The following NUP153 variants were observed in gnomAD, a reference collection of about 807,000 sequenced individuals.
NUP153 encodes the protein nucleoporin 153.
Under a neutral mutation model 134.6 loss-of-function variants are expected in NUP153, and 27 were observed. The observed-to-expected ratio is 0.20, with a 90% CI of 0.15 to 0.28. NUP153 has a LOEUF of 0.28. NUP153 is among the 10% of genes least tolerant of loss of function. The pLI is 1.00. For synonymous variants in NUP153, 640 were observed against 623.5 expected (o/e 1.03, Z -0.40); for missense variants, 1,821 against 1,731.3 (o/e 1.05, Z -0.92).
intron 18 of NUP153, among the ~76,000 whole-genome samples, chr6:17,627,115 G>A (rs1298716583): frequency 6.6e-6 from 1 of 152,094 alleles, no homozygotes; most frequent in Non-Finnish European, 1.5e-5. Flanking sequence ...TCCAGGGCTG[G>A]TCACAGTACA....
At chr6:17,618,807 C>CGG (rs1764484395) in intron 20 of NUP153, among the ~76,000 whole-genome samples, 1 of 152,196 alleles carries the variant, frequency 6.6e-6, no homozygotes, top group Admixed American at 6.5e-5. Context: ...ACCTCGTGAT[C>CGG]TGCCCGCCTT....
At chr6:17,631,623 C>T (rs1765257493) in intron 17 of NUP153, among the ~76,000 whole-genome samples, 2 of 152,128 alleles carry the variant, frequency 1.3e-5, no homozygotes, top group African/African-American at 2.4e-5. Flanking sequence ...GACATTAATC[C>T]TCACACATTT....
At position 17,647,862 on chromosome 6, in the gene NUP153, T is replaced by G. The variant is rs764940879; in HGVS notation, c.1577A>C (p.Lys526Thr). 3 of 1,613,734 alleles carry G rather than the reference T, an allele frequency of 1.9e-6. No individual in the cohort carries two copies. The highest frequency in any genetic ancestry group is 2.5e-6 in the Non-Finnish European group (3 of 1,179,706). The change falls in exon 13 of 22, where the codon AAA becomes ACA. Residue 526 changes from lysine to threonine, a missense_variant. Coordinates refer to ENST00000262077, the MANE Select transcript of NUP153 (RefSeq NM_005124.4). Reference sequence around the variant, plus strand: ...AGATTTTACGATTGGAGATGAAAATTTAAACATGGGACTGCCAGTGCTGCT... The same window carrying G: ...AGATTTTACGATTGGAGATGAAAATGTAAACATGGGACTGCCAGTGCTGCT... ...SPSSTGSPMF[K>T]FSSPIVKSTE...
At chr6:17,691,028 G>A (rs1416728453) in intron 1 of NUP153, among the ~76,000 whole-genome samples, 2 of 152,172 alleles carry the variant, frequency 1.3e-5, no homozygotes, top group Non-Finnish European at 2.9e-5. Flanking sequence ...TGTAATCCCA[G>A]CTACTCAGGA....
At chr6:17,676,910 C>T (rs759809742) in intron 2 of NUP153, among the ~76,000 whole-genome samples, 1 of 152,132 alleles carries the variant, frequency 6.6e-6, no homozygotes, top group Non-Finnish European at 1.5e-5. Flanking sequence ...TCAAGACCAC[C>T]TAAGCCTTAC....
rs186949568 is a variant in NUP153 at position 17,668,660 on chromosome 6, C to T, written c.1068+315G>A. 4.6e-5 allele frequency among the ~76,000 whole-genome samples: 7 copies of T among 151,806 alleles called. No homozygotes were observed. The East Asian group carries it at 9.8e-4, about 21-fold the overall frequency. ...GAGTTTGAGACCAGTCTAGCCAAAA[C>T]GGTGAAACCCTATCTCTACTAAAAA... is the stretch of plus-strand genomic sequence containing the variant. On this transcript the variant is annotated intron_variant, in intron 8 of 21. Coordinates refer to ENST00000262077, the MANE Select transcript of NUP153 (RefSeq NM_005124.4).
intron 2 of NUP153, among the ~76,000 whole-genome samples, chr6:17,687,188 C>T (rs755861093): frequency 6.6e-6 from 1 of 152,162 alleles, no homozygotes; most frequent in Non-Finnish European, 1.5e-5. Flanking sequence ...GTTAGTTAAT[C>T]CTTTCAAATA....
intron 9 of NUP153, among the ~76,000 whole-genome samples, chr6:17,662,761 T>C (rs1767272710): frequency 6.6e-6 from 1 of 152,174 alleles, no homozygotes; most frequent in Admixed American, 6.5e-5. Context: ...TTCTGAACAG[T>C]GAGAACAGCT....
intron 11 of NUP153, among the ~76,000 whole-genome samples, chr6:17,650,888 C>T (rs1033616492): frequency 6.6e-6 from 1 of 152,084 alleles, no homozygotes; most frequent in Non-Finnish European, 1.5e-5. Context: ...AATCTAACTA[C>T]ACAGCTGCAA....
chr6:17,656,113 G>A (rs200750922), intron 11 of NUP153, among the ~76,000 whole-genome samples: 1 of 140,274 alleles, frequency 7.1e-6, no homozygotes, highest in Non-Finnish European at 1.5e-5. Flanking sequence ...GCTGAGGCAG[G>A]AGAATTGCTT....
chr6:17,621,966 TTTTA>T (rs1764665015), intron 20 of NUP153, among the ~76,000 whole-genome samples: 1 of 152,072 alleles, frequency 6.6e-6, no homozygotes, highest in African/African-American at 2.4e-5. Flanking sequence ...TAAAATATTT[TTTTA>T]AAGTTTTTCA....
chr6:17,626,532 G>A (rs2113769228), intron 18 of NUP153, among the ~76,000 whole-genome samples: 1 of 152,256 alleles, frequency 6.6e-6, no homozygotes, highest in East Asian at 1.9e-4. Flanking sequence ...ACAGTATGTG[G>A]CAAAATCATA....
At chr6:17,639,855 T>G in intron 15 of NUP153, 84 bp downstream of exon 15, 1 of 1,296,144 alleles carries the variant, frequency 7.7e-7, no homozygotes, top group East Asian at 2.5e-5. Context: ...CAGAAATTTT[T>G]AAAAGCCTAA....
chr6:17,688,726 G>T, intron 1 of NUP153, 108 bp from the exon 2 acceptor site: 1 of 799,118 alleles, frequency 1.3e-6, no homozygotes, highest in Non-Finnish European at 2.0e-6. Flanking sequence ...TGTCCAACAA[G>T]TTTGCCAAAA....
chr6:17,683,687 T>C (rs1768747283), intron 2 of NUP153, among the ~76,000 whole-genome samples: 1 of 152,098 alleles, frequency 6.6e-6, no homozygotes, highest in African/African-American at 2.4e-5. Context: ...AAATAAGCAT[T>C]GGCTTCAACT....
chr6:17,618,552 T>TA (rs1055344165), intron 20 of NUP153, among the ~76,000 whole-genome samples: 1 of 130,764 alleles, frequency 7.6e-6, no homozygotes, highest in Non-Finnish European at 1.6e-5. Context: ...TAGTGGAAGT[T>TA]AAAATCTCTC....
chr6:17,704,465 G>A (rs138611135), intron 1 of NUP153, among the ~76,000 whole-genome samples: 52 of 152,282 alleles, frequency 3.4e-4, no homozygotes, highest in African/African-American at 1.1e-3. Context: ...AAGCATGCAT[G>A]TGTAACTTCC....
In NUP153 at chr6:17,629,156, G is replaced by A; in HGVS notation, c.3043C>T (p.Pro1015Ser). Residue 1015 changes from proline to serine, a missense_variant, in exon 18 of 22, where the codon CCC (proline) becomes TCC (serine). Pro to Ser is a moderately conservative substitution (Grantham distance 74). Coordinates refer to ENST00000262077, the MANE Select transcript of NUP153 (RefSeq NM_005124.4). ...CTAAAACCTGCAGAGGAAGATTTGG[G>A]CAGTTCCTCTTTCTTTTCTTCCTGT... is the stretch of plus-strand genomic sequence containing the variant. ...LGQEEKKEEL[P>S]KSSSAGFSFG... is the part of the protein sequence containing the mutation. 1 of 1,613,176 alleles carries A rather than the reference G, an allele frequency of 6.2e-7. No homozygotes were observed.
Position 17,628,961 on chromosome 6 carries a change from C to T in NUP153, c.3238G>A (p.Gly1080Arg), listed in dbSNP as rs1463704156. 7.4e-6 allele frequency: 12 copies of T among 1,614,134 alleles called. No individual in the cohort carries two copies. The highest frequency in any genetic ancestry group is 1.0e-5 in the Non-Finnish European group (12 of 1,180,012). The stretch of plus-strand genomic sequence containing the variant: ...TCCACGTTGCCAAAAGAGAATCCTC[C>T]TTTGGTGGCAGGCATTTCTTCTTTT... ...AKKEEMPATK[G>R]GFSFGNVEPA... Residue 1080 changes from glycine (G) to arginine (R), a missense_variant, in exon 18 of 22, where the codon GGA becomes AGA. Transcript: ENST00000262077. This position sits in a 1 kb window ranked among gnomAD's most constrained non-coding sequence, Gnocchi z 5.4.
Sources: gnomAD v4.1 joint callset for allele counts (sites outside exome capture counted in the v4.1 genomes callset) on GRCh38, gnomAD v4.1.1 for gene constraint, Gnocchi (gnomAD v3.1) non-coding constraint, MANE v1.5 for transcripts, NCBI Gene and HGNC (gene_info 2026-07-23, HGNC 2026-07-21) for gene names.